BNC2: variants seen among roughly 807,000 people sequenced by gnomAD.
BNC2 encodes the protein zinc finger protein basonuclin-2.
A neutral mutation model predicts 76.3 loss-of-function variants in BNC2; 20 were observed. The ratio of observed to expected loss-of-function variants is 0.26; its 90% CI spans 0.18 to 0.38. The LOEUF is 0.38. Ranked by LOEUF, BNC2 falls within the 10% of genes least tolerant of loss-of-function variation. The pLI, the probability that BNC2 is intolerant of heterozygous loss-of-function variation, is 1.00. For synonymous variants in BNC2, 582 were observed against 514.8 expected, an observed-to-expected ratio of 1.13 and a Z score of -1.77; for missense variants, 1,382 against 1,399.8, an observed-to-expected ratio of 0.99 and a Z score of 0.20.
At chr9:16,719,953 A>G (rs1036930638) in intron 3 of BNC2, among the ~76,000 whole-genome samples, 4 of 152,324 alleles carry the variant, frequency 2.6e-5, no homozygotes, top group South Asian at 2.1e-4. Context: ...TGCACAAAAT[A>G]ATAAGTCCAA....
rs548755111 is a variant in BNC2 at position 16,525,622 on chromosome 9, G to A, written c.669+26908C>T. 4.6e-5 allele frequency among the ~76,000 whole-genome samples: 7 copies of A among 152,280 alleles called. No homozygotes were observed. In the East Asian group the frequency reaches 1.4e-3, roughly 29 times the overall value. On this transcript the variant is annotated intron_variant, in intron 5 of 6. Transcript: ENST00000380672. The stretch of plus-strand genomic sequence containing the variant: ...ATCACCTAGTCTACCAGTGTATGAA[G>A]GAATAGGCACACAAATTACGATACA...
intron 5 of BNC2, among the ~76,000 whole-genome samples, chr9:16,519,372 A>T (rs1284510324): frequency 1.3e-5 from 2 of 152,256 alleles, no homozygotes. Flanking sequence ...CCCAAAAGAT[A>T]GGAATTGGAG....
chr9:16,432,573 G>A (rs1820928629), intron 6 of BNC2, among the ~76,000 whole-genome samples: 2 of 152,206 alleles, frequency 1.3e-5, no homozygotes, highest in Admixed American at 1.3e-4. Context: ...GTAAACAGAA[G>A]GAAGAGGGCA....
At chr9:16,563,158 T>A (rs76742578) in intron 4 of BNC2, among the ~76,000 whole-genome samples, 1 of 152,144 alleles carries the variant, frequency 6.6e-6, no homozygotes, top group African/African-American at 2.4e-5. Context: ...TGGTGGAAAT[T>A]TTCATCAATT....
chr9:16,737,719 A>AT (rs1358234593), intron 2 of BNC2, among the ~76,000 whole-genome samples: 2 of 152,140 alleles, frequency 1.3e-5, no homozygotes, highest in African/African-American at 2.4e-5. Context: ...TTGTTTTCCA[A>AT]ATGAAGAAAC....
chr9:16,751,811 C>T (rs924822560), intron 1 of BNC2, among the ~76,000 whole-genome samples: 10 of 151,946 alleles, frequency 6.6e-5, no homozygotes, highest in African/African-American at 2.4e-4. Context: ...AGTTTTATCA[C>T]TTGAGGTCAG....
intron 1 of BNC2, among the ~76,000 whole-genome samples, chr9:16,865,012 G>A (rs191957171): frequency 3.9e-3 from 554 of 143,482 alleles, no homozygotes; most frequent in African/African-American, 0.013. Flanking sequence ...TTTTGTGTCT[G>A]GGTACACGTC....
At chr9:16,636,615 T>A (rs1821336209) in intron 3 of BNC2, among the ~76,000 whole-genome samples, 1 of 152,170 alleles carries the variant, frequency 6.6e-6, no homozygotes, top group South Asian at 2.1e-4. Context: ...ATAAGCTTTT[T>A]GTATAATGCC....
chr9:16,619,083 C>T (rs569454705), intron 3 of BNC2, among the ~76,000 whole-genome samples: 3 of 152,188 alleles, frequency 2.0e-5, no homozygotes, highest in Non-Finnish European at 2.9e-5. Flanking sequence ...GGCTCTCTAT[C>T]CCCTGGGGAC....
At chr9:16,512,419 T>C (rs965507861) in intron 5 of BNC2, among the ~76,000 whole-genome samples, 4 of 152,088 alleles carry the variant, frequency 2.6e-5, no homozygotes, top group East Asian at 1.9e-4. Context: ...CTCCGTGGCA[T>C]AACCTGTAAA....
intron 3 of BNC2, among the ~76,000 whole-genome samples, chr9:16,691,492 T>C (rs1823161583): frequency 1.4e-5 from 2 of 143,320 alleles, no homozygotes; most frequent in South Asian, 2.2e-4. Flanking sequence ...GATCCACGGA[T>C]GGGTATGGGT....
intron 5 of BNC2, among the ~76,000 whole-genome samples, chr9:16,490,584 G>C (rs535956680): frequency 2.0e-5 from 3 of 152,286 alleles, no homozygotes; most frequent in Admixed American, 6.5e-5. Flanking sequence ...GTGGGTGTGT[G>C]TATGTGTGTG....
chr9:16,430,120 G>A (rs1234534037), intron 6 of BNC2: 2 of 434,798 alleles, frequency 4.6e-6, no homozygotes, highest in Non-Finnish European at 9.3e-6. Flanking sequence ...GTTTGCTTCT[G>A]ATGGAAAGTA....
Position 16,750,250 on chromosome 9 carries a change from T to C in BNC2, c.4-11765A>G, listed in dbSNP as rs562524724. 3.9e-5 allele frequency among the ~76,000 whole-genome samples: 6 copies of C among 152,368 alleles called. No individual in the cohort carries two copies. In the East Asian group the frequency reaches 1.2e-3, roughly 29 times the overall value. On this transcript the variant is annotated intron_variant, in intron 1 of 6. Transcript: ENST00000380672. ...TGGTGAAGGTAGAAATATAATTTGA[T>C]ACTTATATTTGTACCAATACATGTA...
At chr9:16,836,575 G>C (rs34615158) in intron 1 of BNC2, among the ~76,000 whole-genome samples, 3 of 150,954 alleles carry the variant, frequency 2.0e-5, no homozygotes, top group Non-Finnish European at 4.4e-5. Context: ...ATGTCTCCTT[G>C]ATTCTTATTA....
intron 1 of BNC2, among the ~76,000 whole-genome samples, 156 bp downstream of exon 1, chr9:16,870,490 C>T (rs1190781666): frequency 6.6e-6 from 1 of 152,060 alleles, no homozygotes; most frequent in African/African-American, 2.4e-5. Context: ...GACCGGGGTT[C>T]TGGTCCCCGG....
At chr9:16,554,593 G>A (rs1818764940) in intron 4 of BNC2, among the ~76,000 whole-genome samples, 1 of 152,162 alleles carries the variant, frequency 6.6e-6, no homozygotes, top group African/African-American at 2.4e-5. Flanking sequence ...CCTAGGGATT[G>A]AAGTTTTCTC....
At chr9:16,693,458 T>C (rs950455128) in intron 3 of BNC2, among the ~76,000 whole-genome samples, 3 of 152,036 alleles carry the variant, frequency 2.0e-5, no homozygotes, top group Admixed American at 6.6e-5. Context: ...CTGAAACTCA[T>C]TTGCATGCCC....
At chr9:16,647,526 A>G (rs2133914248) in intron 3 of BNC2, among the ~76,000 whole-genome samples, 1 of 152,276 alleles carries the variant, frequency 6.6e-6, no homozygotes, top group Non-Finnish European at 1.5e-5. Flanking sequence ...GAGTTTTTCT[A>G]TTACACAATC....
Sources: gnomAD v4.1 joint callset for allele counts (sites outside exome capture counted in the v4.1 genomes callset) on GRCh38, gnomAD v4.1.1 for gene constraint, MANE v1.5 for transcripts, NCBI Gene and HGNC (gene_info 2026-07-23, HGNC 2026-07-21) for gene names.